Variants in CDK19 observed in about 807,000 individuals in gnomAD.
CDK19 encodes cyclin-dependent kinase 19.
Under a neutral mutation model 68.3 loss-of-function variants are expected in CDK19, and 20 were observed. That is an observed-to-expected ratio of 0.29 (90% CI 0.21 to 0.43). CDK19 has a LOEUF of 0.43. Ranked by LOEUF, CDK19 falls within the 20% of genes least tolerant of loss-of-function variation. The pLI, the probability that CDK19 is intolerant of heterozygous loss-of-function variation, is 1.00. For synonymous variants in CDK19, 221 were observed against 222.8 expected (o/e 0.99, Z 0.07); for missense variants, 339 against 623.5 (o/e 0.54, Z 4.86).
rs1458093198 is a variant in CDK19, at chr6:110,626,717, AG to A, written c.860+58del. The A allele has an allele frequency of 1.2e-5, 12 of 998,148 alleles. No homozygotes were observed. The East Asian group carries it at 3.0e-4, about 25-fold the overall frequency. The allele number at this position is 998,148 out of a possible 1,614,324, so 61.8% of individuals were successfully genotyped here. On this transcript the variant is annotated intron_variant, in intron 8 of 12. Transcript: ENST00000368911. ...AATTCCTGTTGTTTATAAATTACCC[AG>A]TCTAAGGTATTTTTTTATAGCAGCA...
intron 5 of CDK19, among the ~76,000 whole-genome samples, chr6:110,635,513 T>C (rs1779707333): frequency 6.6e-6 from 1 of 152,158 alleles, no homozygotes; most frequent in African/African-American, 2.4e-5. Context: ...GTGTTTTCCA[T>C]GCAAGTATCC....
chr6:110,618,018 G>GT (rs1186631895), intron 12 of CDK19, among the ~76,000 whole-genome samples: 1 of 151,950 alleles, frequency 6.6e-6, no homozygotes, highest in African/African-American at 2.4e-5. Flanking sequence ...ATAAAAATGG[G>GT]TGGCACCACA....
chr6:110,678,360 A>G (rs1323104920), intron 2 of CDK19, among the ~76,000 whole-genome samples: 41 of 152,132 alleles, frequency 2.7e-4, no homozygotes, highest in Admixed American at 2.7e-3. Flanking sequence ...TTGAATGTCT[A>G]AAAGCCAAAA....
At chr6:110,814,592 G>A (rs1312310882) in intron 1 of CDK19, 10 of 460,192 alleles carry the variant, frequency 2.2e-5, no homozygotes, top group Admixed American at 1.2e-4. Flanking sequence ...GAGGCGCTCA[G>A]CCGATTGGAA....
intron 4 of CDK19, among the ~76,000 whole-genome samples, chr6:110,659,435 T>C (rs1781487656): frequency 6.6e-6 from 1 of 152,256 alleles, no homozygotes. Context: ...CTGCATAGTG[T>C]CCTTTCAATG....
intron 1 of CDK19, 114 bp downstream of exon 1, chr6:110,814,895 C>T: frequency 7.1e-7 from 1 of 1,408,996 alleles, no homozygotes; most frequent in Non-Finnish European, 9.8e-7. Context: ...CCCCGCGACC[C>T]CCTCCGCCTC....
At chr6:110,674,008 C>T (rs957974381) in intron 2 of CDK19, among the ~76,000 whole-genome samples, 1 of 152,206 alleles carries the variant, frequency 6.6e-6, no homozygotes, top group Non-Finnish European at 1.5e-5. Context: ...TCTACTGGCA[C>T]CATTTTTCCA....
intron 4 of CDK19, among the ~76,000 whole-genome samples, chr6:110,639,067 C>T (rs972277883): frequency 2.0e-5 from 3 of 152,198 alleles, no homozygotes; most frequent in Non-Finnish European, 4.4e-5. Flanking sequence ...CAAACCACAA[C>T]ATAATCGCCT....
At chr6:110,647,300 G>A (rs374015657) in intron 4 of CDK19, among the ~76,000 whole-genome samples, 1 of 147,206 alleles carries the variant, frequency 6.8e-6, no homozygotes, top group South Asian at 2.2e-4. Flanking sequence ...CAATGGAACA[G>A]AAAGCCATGA....
intron 4 of CDK19, among the ~76,000 whole-genome samples, chr6:110,641,610 AG>A (rs374888653): frequency 6.9e-6 from 1 of 145,008 alleles, no homozygotes; most frequent in Non-Finnish European, 1.5e-5. Context: ...AAAAAAAAAA[AG>A]AAAAAGAAAG....
chr6:110,744,674 A>G (rs1028312263), intron 2 of CDK19, among the ~76,000 whole-genome samples: 14 of 152,348 alleles, frequency 9.2e-5, no homozygotes, highest in African/African-American at 3.1e-4. Flanking sequence ...TAGGAACTAG[A>G]GATAAAAAGA....
At chr6:110,756,216 CCT>C (rs1562262683) in intron 1 of CDK19, among the ~76,000 whole-genome samples, 1 of 151,988 alleles carries the variant, frequency 6.6e-6, no homozygotes, top group Non-Finnish European at 1.5e-5. Flanking sequence ...ATAGTGAAAC[CCT>C]GTCTCTACTA....
chr6:110,690,357 GAGAT>G (rs1007389960), intron 2 of CDK19, among the ~76,000 whole-genome samples: 9 of 152,198 alleles, frequency 5.9e-5, no homozygotes, highest in African/African-American at 1.9e-4. Flanking sequence ...GTGGGTCTAG[GAGAT>G]AGATAGCTTC....
At chr6:110,685,742 C>T (rs1772421503) in intron 2 of CDK19, among the ~76,000 whole-genome samples, 1 of 152,166 alleles carries the variant, frequency 6.6e-6, no homozygotes, top group African/African-American at 2.4e-5. Flanking sequence ...CCATTCAAAG[C>T]TATTCACCCC....
At chr6:110,734,929 T>C (rs943472595) in intron 2 of CDK19, among the ~76,000 whole-genome samples, 2 of 152,186 alleles carry the variant, frequency 1.3e-5, no homozygotes, top group Non-Finnish European at 2.9e-5. Context: ...ATTGGTACAA[T>C]AGTAAATATT....
chr6:110,796,372 G>C (rs2115091004), intron 1 of CDK19, among the ~76,000 whole-genome samples: 1 of 152,058 alleles, frequency 6.6e-6, no homozygotes, highest in Non-Finnish European at 1.5e-5. Flanking sequence ...AAAAATACAG[G>C]CTGGGAGTGG....
At chr6:110,784,825 A>T (rs1212099835) in intron 1 of CDK19, among the ~76,000 whole-genome samples, 1 of 152,162 alleles carries the variant, frequency 6.6e-6, no homozygotes, top group East Asian at 1.9e-4. Context: ...CTACAATATG[A>T]GTGAACTTTG....
At chr6:110,773,044 C>T (rs578233830) in intron 1 of CDK19, among the ~76,000 whole-genome samples, 4,104 of 146,458 alleles carry the variant, frequency 0.028, 79 homozygotes, top group South Asian at 0.087. Context: ...GGGGAAACCC[C>T]GTCTCTTAAA....
chr6:110,754,027 C>T (rs1280402922), intron 1 of CDK19, among the ~76,000 whole-genome samples: 1 of 148,132 alleles, frequency 6.8e-6, no homozygotes, highest in Non-Finnish European at 1.5e-5. Flanking sequence ...CTAAAATTGG[C>T]AAATTCTTTT....
Sources: gnomAD v4.1 joint callset for allele counts (sites outside exome capture counted in the v4.1 genomes callset) on GRCh38, gnomAD v4.1.1 for gene constraint, MANE v1.5 for transcripts, NCBI Gene and HGNC (gene_info 2026-07-23, HGNC 2026-07-21) for gene names.